The following MYO16 variants were observed in gnomAD, a reference collection of about 807,000 sequenced individuals.
The protein encoded by MYO16 is unconventional myosin-XVI.
Under a neutral mutation model 205.3 loss-of-function variants are expected in MYO16, and 94 were observed. The observed-to-expected ratio is 0.46, with a 90% CI of 0.39 to 0.54. The LOEUF (loss-of-function observed/expected upper bound fraction) is 0.54. Among genes scored for constraint, MYO16 ranks in the 20% least tolerant of loss-of-function variants. MYO16 has a pLI of 0.00. For missense variants in MYO16, 2,315 were observed against 2,387.5 expected (o/e 0.97, Z 0.63); for synonymous variants, 988 against 954.0 (o/e 1.04, Z -0.66).
intron 6 of MYO16, among the ~76,000 whole-genome samples, chr13:108,801,652 C>A (rs1240856014): frequency 2.6e-5 from 4 of 152,086 alleles, no homozygotes; most frequent in Non-Finnish European, 5.9e-5. Flanking sequence ...CCAGATAGAC[C>A]CAAGTCGGTG....
the MYO16 span, among the ~76,000 whole-genome samples, chr13:108,507,579 G>T: frequency 0.13 from 19,260 of 152,018 alleles, 1,374 homozygotes; most frequent in East Asian, 0.23. Flanking sequence ...CCAGTTTGAT[G>T]ATAATGTGTC....
intron 9 of MYO16, among the ~76,000 whole-genome samples, chr13:108,825,578 A>AAAATAAATAAATAAATAAATAAAT (rs148579255): frequency 1.3e-5 from 2 of 148,874 alleles, no homozygotes; most frequent in South Asian, 2.1e-4. Context: ...ACCTAGCAAG[A>AAAATAAATAAATAAATAAATAAAT]AAATAAATAA....
At chr13:108,997,385 A>AG (rs1885058856) in intron 21 of MYO16, among the ~76,000 whole-genome samples, 1 of 50,250 alleles carries the variant, frequency 2.0e-5, no homozygotes, top group African/African-American at 7.4e-5. Flanking sequence ...AGAGAGAGAG[A>AG]GAGAGGGAGG....
chr13:109,001,106 T>G (rs893332832), intron 21 of MYO16, among the ~76,000 whole-genome samples: 3 of 151,408 alleles, frequency 2.0e-5, no homozygotes, highest in African/African-American at 7.3e-5. Context: ...TATACTTTAA[T>G]TTTAAAATAT....
At chr13:108,857,092 G>C (rs1856281) in intron 11 of MYO16, among the ~76,000 whole-genome samples, 1 of 151,950 alleles carries the variant, frequency 6.6e-6, no homozygotes, top group Non-Finnish European at 1.5e-5. Context: ...TCCTTAGACT[G>C]TTTTTTTGTT....
chr13:109,154,054 C>A (rs1035261889), intron 32 of MYO16, among the ~76,000 whole-genome samples: 1 of 152,196 alleles, frequency 6.6e-6, no homozygotes, highest in Non-Finnish European at 1.5e-5. Flanking sequence ...GAGATGCAAC[C>A]GCTACGGCTA....
At chr13:108,895,276 A>G (rs575142009) in intron 14 of MYO16, among the ~76,000 whole-genome samples, 39 of 152,214 alleles carry the variant, frequency 2.6e-4, no homozygotes, top group Non-Finnish European at 5.0e-4. Context: ...AATTTTCTTC[A>G]TTTATATTTT....
chr13:108,863,076 T>C (rs1044421144), intron 11 of MYO16, among the ~76,000 whole-genome samples: 1 of 152,180 alleles, frequency 6.6e-6, no homozygotes, highest in African/African-American at 2.4e-5. Flanking sequence ...CCATCAAACT[T>C]GCTAAAGTTA....
At chr13:108,753,651 A>G (rs1320700841) in intron 4 of MYO16, among the ~76,000 whole-genome samples, 2 of 152,170 alleles carry the variant, frequency 1.3e-5, no homozygotes, top group Non-Finnish European at 2.9e-5. Flanking sequence ...AAGAAAATAT[A>G]GAAAGTATAT....
intron 7 of MYO16, among the ~76,000 whole-genome samples, chr13:108,816,787 C>T (rs999414118): frequency 2.0e-5 from 3 of 152,156 alleles, no homozygotes; most frequent in African/African-American, 7.2e-5. Flanking sequence ...CTCCTGAACA[C>T]CACTTGGTCT....
chr13:108,979,012 T>A (rs1218474392), intron 20 of MYO16, among the ~76,000 whole-genome samples: 1 of 152,042 alleles, frequency 6.6e-6, no homozygotes, highest in Non-Finnish European at 1.5e-5. Flanking sequence ...ATTTCAACTG[T>A]AGTTTGACAT....
At chr13:108,737,571 T>C (rs968315864) in intron 4 of MYO16, among the ~76,000 whole-genome samples, 2 of 152,256 alleles carry the variant, frequency 1.3e-5, no homozygotes, top group Admixed American at 1.3e-4. Context: ...TGCATCAATG[T>C]TCATCAAGGA....
intron 2 of MYO16, among the ~76,000 whole-genome samples, chr13:108,667,366 A>G (rs1881786978): frequency 6.7e-6 from 1 of 148,914 alleles, no homozygotes; most frequent in South Asian, 2.1e-4. Flanking sequence ...GTAACAGTGA[A>G]TCTTTGAGCT....
intron 1 of MYO16, chr13:108,659,375 T>C: frequency 2.3e-6 from 1 of 434,990 alleles, no homozygotes; most frequent in Admixed American, 2.5e-5. Context: ...TATAGATATA[T>C]AACTAGATGT....
At chr13:108,689,453 A>T (rs1882807881) in intron 2 of MYO16, among the ~76,000 whole-genome samples, 1 of 152,138 alleles carries the variant, frequency 6.6e-6, no homozygotes, top group Non-Finnish European at 1.5e-5. Context: ...TTGTAAAGGA[A>T]CCCACTTTAT....
Position 108,963,058 on chromosome 13 carries a change from G to A in MYO16, c.2227+563G>A, listed in dbSNP as rs141088679. On this transcript the variant is annotated intron_variant, in intron 19 of 34. Transcript: ENST00000457511. ...GACATGTTTGGAATTAGAATCTAGCGCTGTCTGACTCCCAGATGACATGCT... is the reference window on the plus strand; with the variant it reads ...GACATGTTTGGAATTAGAATCTAGCACTGTCTGACTCCCAGATGACATGCT... 2.7e-3 allele frequency among the ~76,000 whole-genome samples: 418 copies of A among 152,294 alleles called. 4 individuals are homozygous for A. The highest frequency in any genetic ancestry group is 9.1e-3 in the African/African-American group (379 of 41,558).
chr13:108,557,041 A>G, the MYO16 span, among the ~76,000 whole-genome samples: 1 of 152,136 alleles, frequency 6.6e-6, no homozygotes, highest in Non-Finnish European at 1.5e-5. Context: ...ATAGCCGCCT[A>G]TTATTTTGTG....
intron 3 of MYO16, among the ~76,000 whole-genome samples, chr13:108,723,383 C>T (rs1369617423): frequency 2.0e-5 from 3 of 151,976 alleles, no homozygotes; most frequent in South Asian, 2.1e-4. Context: ...GCTAATATTT[C>T]CCCTGATAGG....
At chr13:109,071,320 G>A (rs1285853645) in intron 27 of MYO16, among the ~76,000 whole-genome samples, 1 of 152,070 alleles carries the variant, frequency 6.6e-6, no homozygotes, top group African/African-American at 2.4e-5. Flanking sequence ...ATATTAGAAA[G>A]AAACTTTTTA....
Sources: allele counts gnomAD v4.1 joint callset (sites outside exome capture counted in the v4.1 genomes callset), GRCh38; gene constraint gnomAD v4.1.1; transcripts MANE v1.5; gene names NCBI Gene and HGNC (gene_info 2026-07-23, HGNC 2026-07-21).